The following TRPV1 variants were observed in gnomAD, a reference collection of about 807,000 sequenced individuals.
TRPV1 encodes the protein transient receptor potential cation channel subfamily V member 1, also known as OTRPC1.
A neutral mutation model predicts 82.3 loss-of-function variants in TRPV1; 82 were observed. The ratio of observed to expected loss-of-function variants is 1.00; its 90% CI spans 0.83 to 1.20. The LOEUF is 1.20. Among genes scored for constraint, TRPV1 ranks in the 50% most tolerant of loss-of-function variants. The probability of loss-of-function intolerance (pLI) is 0.00; values close to 1 mark genes in which losing one functional copy is unlikely to be tolerated. For synonymous variants in TRPV1, 515 were observed against 467.7 expected, an observed-to-expected ratio of 1.10 and a Z score of -1.30; for missense variants, 1,067 against 1,096.8, an observed-to-expected ratio of 0.97 and a Z score of 0.38.
intron 8 of TRPV1, 97 bp from the exon 9 acceptor site, chr17:3,586,023 C>T: frequency 2.7e-6 from 4 of 1,476,464 alleles, no homozygotes; most frequent in Non-Finnish European, 3.7e-6. Flanking sequence ...ATGTGGCCCG[C>T]ACAGTCCTCA....
In TRPV1 at chr17:3,588,906, G is replaced by C. The variant is rs116215845; in HGVS notation, c.1045-539C>G. The C allele has an allele frequency of 3.4e-5, 52 of 1,535,506 alleles. No individual in the cohort carries two copies. In the African/African-American group the frequency reaches 7.0e-4, roughly 21 times the overall value. Reference sequence around the variant, plus strand: ...ATATCAGGCCCACAATCCCCTCACGGCGAGGCCCCAGCTCTACCATCTCAC... The same window carrying C: ...ATATCAGGCCCACAATCCCCTCACGCCGAGGCCCCAGCTCTACCATCTCAC... On this transcript the variant is annotated intron_variant, in intron 7 of 16. Transcript: ENST00000572705.
Position 3,589,963 on chromosome 17 carries a change from G to A in TRPV1, c.888C>T (p.Ala296=), listed in dbSNP as rs1387796582. 5.1e-6 allele frequency: 8 copies of A among 1,563,590 alleles called. No homozygotes were observed. The highest frequency in any genetic ancestry group is 1.9e-5 in the Admixed American group (1 of 51,806). The change falls in exon 7 of 17, where the codon GCC becomes GCT. Residue 296 remains alanine, a synonymous_variant. Coordinates refer to ENST00000572705, the MANE Select transcript of TRPV1 (RefSeq NM_080704.4). ...NTVLHALVEV[A]DNTADNTKFV... The stretch of plus-strand genomic sequence containing the variant: ...ACTTCGTGTTGTCGGCCGTGTTGTC[G>A]GCCACCTCCACCAGGGCGTGCAGCA...
chr17:3,606,994 C>T (rs1161397147), intron 2 of TRPV1, among the ~76,000 whole-genome samples: 1 of 152,186 alleles, frequency 6.6e-6, no homozygotes, highest in Non-Finnish European at 1.5e-5. Context: ...TCTTCTCTCT[C>T]ATGCAGCCTT....
At chr17:3,568,118 C>A (rs994486100) in intron 16 of TRPV1, among the ~76,000 whole-genome samples, 1 of 152,026 alleles carries the variant, frequency 6.6e-6, no homozygotes, top group African/African-American at 2.4e-5. Flanking sequence ...GTCAGGAGAT[C>A]GAGACCATCC....
chr17:3,575,145 T>C (rs182578972), intron 13 of TRPV1, among the ~76,000 whole-genome samples: 11 of 152,132 alleles, frequency 7.2e-5, no homozygotes, highest in Non-Finnish European at 1.5e-4. Flanking sequence ...CTCTTCTCTA[T>C]AACAGAATGC....
intron 16 of TRPV1, among the ~76,000 whole-genome samples, chr17:3,570,610 GGTAAAC>G (rs2074839878): frequency 6.6e-6 from 1 of 152,088 alleles, no homozygotes; most frequent in South Asian, 2.1e-4. Context: ...TTCATTTCTA[GGTAAAC>G]GTCCTCAATT....
chr17:3,591,778 G>A (rs1285905151), intron 3 of TRPV1, among the ~76,000 whole-genome samples: 2 of 152,224 alleles, frequency 1.3e-5, no homozygotes, highest in African/African-American at 4.8e-5. Flanking sequence ...CACTGGAGCT[G>A]TGCTGTGCTC....
In TRPV1 at chr17:3,592,362, C is replaced by A; in HGVS notation, c.-12G>T. ...CTCCATTTCTTCATCCTTGCTGGAT[C>A]CTCTGTGGCCCAGTGTGCAACCTGC... On this transcript the variant is annotated 5_prime_UTR_variant, in exon 3 of 17. Coordinates refer to ENST00000572705, the MANE Select transcript of TRPV1 (RefSeq NM_080704.4). The A allele has an allele frequency of 6.3e-7, 1 of 1,578,984 alleles. No homozygotes were observed. The highest frequency in any genetic ancestry group is 1.8e-5 in the Admixed American group (1 of 55,046).
At chr17:3,607,681 C>T (rs976761197) in intron 2 of TRPV1, among the ~76,000 whole-genome samples, 12 of 151,594 alleles carry the variant, frequency 7.9e-5, no homozygotes, top group Admixed American at 7.2e-4. Context: ...GGATTACAGG[C>T]GCGTGCCATC....
At chr17:3,581,722 T>A (rs1412969151) in intron 10 of TRPV1, among the ~76,000 whole-genome samples, 2 of 146,438 alleles carry the variant, frequency 1.4e-5, no homozygotes, top group African/African-American at 2.5e-5. Flanking sequence ...CCGTCTCTAC[T>A]AAAAATACAA....
intron 2 of TRPV1, among the ~76,000 whole-genome samples, chr17:3,596,051 G>A (rs2075216869): frequency 6.6e-6 from 1 of 152,218 alleles, no homozygotes; most frequent in East Asian, 1.9e-4. Context: ...AGGCAAACGA[G>A]TGTTGGCTGT....
chr17:3,593,354 G>A (rs2075185983), intron 2 of TRPV1, among the ~76,000 whole-genome samples: 1 of 152,062 alleles, frequency 6.6e-6, no homozygotes, highest in African/African-American at 2.4e-5. Flanking sequence ...GGTCTTCTAG[G>A]CCTAAACACC....
chr17:3,567,087 A>T, intron 16 of TRPV1, 100 bp from the exon 17 acceptor site: 1 of 1,370,334 alleles, frequency 7.3e-7, no homozygotes, highest in Non-Finnish European at 9.9e-7. Flanking sequence ...GACAGGCACG[A>T]TGGCTCATGC....
At chr17:3,568,035 A>T (rs1032475285) in intron 16 of TRPV1, among the ~76,000 whole-genome samples, 11 of 152,108 alleles carry the variant, frequency 7.2e-5, no homozygotes, top group African/African-American at 2.7e-4. Flanking sequence ...TTGAAAAACT[A>T]CTCAAGGCCG....
intron 11 of TRPV1, 95 bp from the exon 12 acceptor site, chr17:3,577,858 T>TATTGC: frequency 8.1e-7 from 1 of 1,235,560 alleles, no homozygotes; most frequent in Non-Finnish European, 1.1e-6. Flanking sequence ...AGGTCCAGAC[T>TATTGC]GCAGGCCGCA....
intron 2 of TRPV1, chr17:3,592,642 G>A (rs1049051446): frequency 4.9e-5 from 23 of 469,920 alleles, no homozygotes; most frequent in East Asian, 3.0e-4. Flanking sequence ...ACAGGCCCCC[G>A]GCTCAGAGCC....
rs567871037 is a variant in TRPV1, at chr17:3,581,993, A to T, written c.1476+1345T>A. Among the ~76,000 whole-genome samples, 362 of 145,922 alleles carry T rather than the reference A, an allele frequency of 2.5e-3. 1 individual carries two copies. Among genetic ancestry groups the T allele is most frequent in the African/African-American group, 7.1e-3 (282 of 39,850 alleles). On this transcript the variant is annotated intron_variant, in intron 10 of 16. Coordinates refer to ENST00000572705, the MANE Select transcript of TRPV1 (RefSeq NM_080704.4). ...ATCACGAGGTCAGGAGATCGAGACC[A>T]TCCTGGCTAACACGGTGAAACCCCG...
At chr17:3,576,726 G>A (rs2074937553) in intron 13 of TRPV1, among the ~76,000 whole-genome samples, 1 of 142,158 alleles carries the variant, frequency 7.0e-6, no homozygotes. Flanking sequence ...GTGGGCGCCT[G>A]TAATCCCAGC....
At chr17:3,594,759 T>C (rs1334067074) in intron 2 of TRPV1, among the ~76,000 whole-genome samples, 1 of 152,184 alleles carries the variant, frequency 6.6e-6, no homozygotes, top group Non-Finnish European at 1.5e-5. Context: ...AGCTCCCCGC[T>C]GAGACAGAAA....
Sources: gnomAD v4.1 joint callset for allele counts (sites outside exome capture counted in the v4.1 genomes callset) on GRCh38, gnomAD v4.1.1 for gene constraint, MANE v1.5 for transcripts, NCBI Gene and HGNC (gene_info 2026-07-23, HGNC 2026-07-21) for gene names.